Variants in UBAC2 observed in about 807,000 individuals in gnomAD.
The protein encoded by UBAC2 is UBA domain containing 2.
A neutral mutation model predicts 44.0 loss-of-function variants in UBAC2; 26 were observed. The ratio of observed to expected loss-of-function variants is 0.59; its 90% confidence interval spans 0.43 to 0.82. The LOEUF (loss-of-function observed/expected upper bound fraction) is 0.82, where lower values mean the gene tolerates loss of function less well. UBAC2 is among the 40% of genes least tolerant of loss of function. UBAC2 has a pLI of 0.00. For missense variants in UBAC2, 329 were observed against 419.4 expected (o/e 0.78, Z 1.88); for synonymous variants, 155 against 154.3 (o/e 1.00, Z -0.04).
chr13:99,351,867 C>A (rs1365869808), intron 7 of UBAC2: 1 of 420,226 alleles, frequency 2.4e-6, no homozygotes, highest in African/African-American at 2.1e-5. Flanking sequence ...TGATTATCAC[C>A]TCTGTGTTTT....
In UBAC2 at chr13:99,200,895, A is replaced by C; in HGVS notation, c.-14A>C. On this transcript the variant is annotated 5_prime_UTR_variant, in exon 1 of 9. Coordinates refer to ENST00000403766, the MANE Select transcript of UBAC2 (RefSeq NM_001144072.2). ...TCCCCCGGCGCCCTCTGGGGCTCCG[A>C]GCCCGGCGGGACCATGTTCACCAGC... The C allele has an allele frequency of 7.7e-7, 1 of 1,304,132 alleles. No homozygotes were observed. The highest frequency in any genetic ancestry group is 9.8e-7 in the Non-Finnish European group (1 of 1,018,362). 80.8% of individuals were successfully genotyped at this position (1,304,132 alleles called of 1,614,324 possible).
At chr13:99,215,422 G>A (rs2042980618) in intron 1 of UBAC2, 1 of 1,328,040 alleles carries the variant, frequency 7.5e-7, no homozygotes, top group Non-Finnish European at 1.1e-6. Context: ...TTGTGGATGT[G>A]TGGAATGACA....
intron 1 of UBAC2, among the ~76,000 whole-genome samples, chr13:99,208,881 C>T (rs1241196502): frequency 6.6e-6 from 1 of 152,212 alleles, no homozygotes; most frequent in East Asian, 1.9e-4. Flanking sequence ...GCCTCCTTGA[C>T]CTGGGGGTTT....
At chr13:99,382,896 C>T (rs1566532554) in intron 8 of UBAC2, among the ~76,000 whole-genome samples, 4 of 152,146 alleles carry the variant, frequency 2.6e-5, no homozygotes, top group Non-Finnish European at 4.4e-5. Flanking sequence ...ACCCACAGGC[C>T]TGGGTGGGGG....
intron 1 of UBAC2, among the ~76,000 whole-genome samples, chr13:99,216,884 G>T (rs910438424): frequency 3.3e-5 from 5 of 150,354 alleles, no homozygotes; most frequent in African/African-American, 7.4e-5. Context: ...AGGCTGGAGT[G>T]CAGTGGTGCG....
chr13:99,228,595 C>T (rs2043138443), intron 1 of UBAC2, among the ~76,000 whole-genome samples: 1 of 151,954 alleles, frequency 6.6e-6, no homozygotes, highest in South Asian at 2.1e-4. Flanking sequence ...TGCCCAGCCC[C>T]TATATTTATT....
intron 7 of UBAC2, 150 bp from the exon 8 acceptor site, chr13:99,367,637 T>G: frequency 8.9e-7 from 1 of 1,128,070 alleles, no homozygotes; most frequent in South Asian, 1.4e-5. Context: ...GTTGTGATAC[T>G]TTTGAATTTG....
chr13:99,330,785 C>A (rs1366668910), intron 6 of UBAC2, among the ~76,000 whole-genome samples: 1 of 152,146 alleles, frequency 6.6e-6, no homozygotes, highest in Non-Finnish European at 1.5e-5. Flanking sequence ...ATCTATAAAT[C>A]CACAAATCTT....
chr13:99,298,196 A>G (rs2044204979), intron 4 of UBAC2, among the ~76,000 whole-genome samples: 1 of 152,206 alleles, frequency 6.6e-6, no homozygotes, highest in Admixed American at 6.5e-5. Flanking sequence ...AACATGATTT[A>G]AAAGCTAACA....
At chr13:99,347,101 GACCCCCATCTCT>G (rs1233772473) in intron 7 of UBAC2, among the ~76,000 whole-genome samples, 1 of 145,188 alleles carries the variant, frequency 6.9e-6, no homozygotes, top group Admixed American at 6.9e-5. Context: ...CACATGGTGA[GACCCCCATCTCT>G]ATTTAAAGAA....
chr13:99,207,646 T>C (rs2042888032), intron 1 of UBAC2, among the ~76,000 whole-genome samples: 2 of 152,154 alleles, frequency 1.3e-5, no homozygotes, highest in Admixed American at 1.3e-4. Context: ...TAGGGAGCCT[T>C]GGGCCAGATG....
chr13:99,385,464 C>T lies in UBAC2; in HGVS notation c.*129C>T, dbSNP rs771247505. ...TTGTGGGAAGAGGGAGGTTCCACCG[C>T]ACCCCTGCCCTCAACCGCAAGACTG... On this transcript the variant is annotated 3_prime_UTR_variant, in exon 9 of 9. Coordinates refer to ENST00000403766, the MANE Select transcript of UBAC2 (RefSeq NM_001144072.2). 4.5e-4 allele frequency: 317 copies of T among 705,408 alleles called. No homozygotes were observed. In the Middle Eastern group the frequency reaches 7.8e-3, roughly 17 times the overall value. The allele number at this position is 705,408 out of a possible 1,614,324, so 43.7% of individuals were successfully genotyped here.
chr13:99,222,081 A>G (rs1346830126), intron 1 of UBAC2, among the ~76,000 whole-genome samples: 1 of 152,220 alleles, frequency 6.6e-6, no homozygotes, highest in Admixed American at 6.5e-5. Context: ...CTGAAAGGCA[A>G]CTGTGTGCTA....
intron 8 of UBAC2, among the ~76,000 whole-genome samples, chr13:99,382,227 G>A (rs1004010930): frequency 1.3e-5 from 2 of 152,216 alleles, no homozygotes; most frequent in African/African-American, 4.8e-5. Flanking sequence ...AACAAAATGA[G>A]AATTGAAAAT....
intron 2 of UBAC2, among the ~76,000 whole-genome samples, chr13:99,242,452 G>A (rs1419985791): frequency 2.1e-5 from 3 of 145,100 alleles, no homozygotes; most frequent in Non-Finnish European, 4.6e-5. Flanking sequence ...TGGCCGGGCG[G>A]GGGGCTGACC....
chr13:99,356,177 A>G (rs780085075), intron 7 of UBAC2: 1 of 534,746 alleles, frequency 1.9e-6, no homozygotes, highest in Non-Finnish European at 3.8e-6. Flanking sequence ...GTTGCATCCT[A>G]AGCTGTGCTG....
chr13:99,343,929 A>G (rs1281612368), intron 7 of UBAC2, among the ~76,000 whole-genome samples: 2 of 152,234 alleles, frequency 1.3e-5, no homozygotes, highest in Non-Finnish European at 2.9e-5. Context: ...TTTTCAACAA[A>G]TAAGTACTTA....
chr13:99,325,098 CTTTTTTTT>C (rs55672515), intron 6 of UBAC2, among the ~76,000 whole-genome samples: 2 of 86,126 alleles, frequency 2.3e-5, no homozygotes, highest in Non-Finnish European at 4.3e-5. Flanking sequence ...TGTCTATGCT[CTTTTTTTT>C]TTTTTTTTTT....
intron 4 of UBAC2, among the ~76,000 whole-genome samples, chr13:99,247,461 G>A (rs1328692452): frequency 4.0e-5 from 6 of 149,798 alleles, no homozygotes; most frequent in Admixed American, 1.3e-4. Context: ...TGATCCGCCC[G>A]CCTCGGCCTC....
Sources: gnomAD v4.1 joint callset for allele counts (sites outside exome capture counted in the v4.1 genomes callset) on GRCh38, gnomAD v4.1.1 for gene constraint, MANE v1.5 for transcripts, NCBI Gene and HGNC (gene_info 2026-07-23, HGNC 2026-07-21) for gene names.